The following LRRC8C variants were observed in gnomAD, a reference collection of about 807,000 sequenced individuals.
The protein encoded by LRRC8C is volume-regulated anion channel subunit LRRC8C.
LRRC8C carries 20 observed loss-of-function variants against 55.3 expected under a neutral mutation model. The ratio of observed to expected loss-of-function variants is 0.36; its 90% CI spans 0.25 to 0.53. The LOEUF (loss-of-function observed/expected upper bound fraction) is 0.53, where lower values mean the gene tolerates loss of function less well. Among genes scored for constraint, LRRC8C ranks in the 20% least tolerant of loss-of-function variants. The pLI is 0.92. For missense variants in LRRC8C, 659 were observed against 951.4 expected, an observed-to-expected ratio of 0.69 and a Z score of 4.04; for synonymous variants, 376 against 360.7, an observed-to-expected ratio of 1.04 and a Z score of -0.48.
chr1:89,663,549 G>A (rs1349815756), intron 1 of LRRC8C, among the ~76,000 whole-genome samples: 7 of 147,612 alleles, frequency 4.7e-5, no homozygotes, highest in South Asian at 4.2e-4. Flanking sequence ...CAGCCTGGGC[G>A]ACAGAGCGAG....
the LRRC8C span, among the ~76,000 whole-genome samples, chr1:89,619,219 C>G: frequency 6.6e-6 from 1 of 152,014 alleles, no homozygotes; most frequent in African/African-American, 2.4e-5. Flanking sequence ...CATTCATATC[C>G]ACAGAAGTTC....
intron 1 of LRRC8C, among the ~76,000 whole-genome samples, chr1:89,646,632 A>G (rs1656622820): frequency 6.6e-6 from 1 of 152,134 alleles, no homozygotes; most frequent in East Asian, 1.9e-4. Flanking sequence ...TTATTTTAAA[A>G]TAACCTATAG....
At chr1:89,698,232 T>G (rs753749930) in intron 2 of LRRC8C, among the ~76,000 whole-genome samples, 1 of 152,172 alleles carries the variant, frequency 6.6e-6, no homozygotes, top group Non-Finnish European at 1.5e-5. Context: ...CAGAAGAAGG[T>G]AGCTAGAGGT....
rs200185887 is a variant in LRRC8C, at chr1:89,714,062, G to A, written c.1492G>A (p.Val498Ile). The change falls in exon 3 of 3, where the codon GTC becomes ATC. Residue 498 changes from valine (V) to isoleucine (I), a missense_variant. This residue lies in a region of LRRC8C where 344 missense variants were observed against 464.6 expected (regional missense o/e 0.74). Transcript: ENST00000370454. The surrounding 1 kb of genome is among the most constrained non-coding windows in gnomAD (Gnocchi z 4.6). ...FLKENLKVLS[V>I]KFDDMRELPP... ...GAAGGAAAACCTCAAGGTCTTGAGC[G>A]TCAAGTTTGATGACATGAGGGAACT... The A allele has an allele frequency of 7.1e-5, 115 of 1,613,934 alleles. No homozygotes were observed. Among genetic ancestry groups the A allele is most frequent in the Non-Finnish European group, 8.6e-5 (102 of 1,180,030 alleles).
chr1:89,651,049 T>C (rs766672104), intron 1 of LRRC8C, among the ~76,000 whole-genome samples: 11 of 152,142 alleles, frequency 7.2e-5, no homozygotes, highest in Non-Finnish European at 1.3e-4. Flanking sequence ...CATAACACAG[T>C]GGGTAACAAT....
At chr1:89,675,454 G>A (rs61798882) in intron 1 of LRRC8C, among the ~76,000 whole-genome samples, 1,844 of 152,334 alleles carry the variant, frequency 0.012, 23 homozygotes, top group Non-Finnish European at 0.017. Flanking sequence ...TCATGCCTGG[G>A]TTTTCTGGGC....
intron 1 of LRRC8C, among the ~76,000 whole-genome samples, chr1:89,675,394 T>C (rs945495815): frequency 6.6e-6 from 1 of 152,234 alleles, no homozygotes; most frequent in Non-Finnish European, 1.5e-5. Flanking sequence ...CTTGCTGCCC[T>C]TCATCAGAAA....
At chr1:89,648,837 A>G (rs1324479499) in intron 1 of LRRC8C, among the ~76,000 whole-genome samples, 1 of 152,204 alleles carries the variant, frequency 6.6e-6, no homozygotes, top group African/African-American at 2.4e-5. Context: ...GGTATCAAAA[A>G]TACGTGTTTT....
intron 1 of LRRC8C, among the ~76,000 whole-genome samples, chr1:89,654,812 C>A (rs1656893973): frequency 6.6e-6 from 1 of 151,914 alleles, no homozygotes; most frequent in South Asian, 2.1e-4. Context: ...TTCTCATTAT[C>A]CCCAATGTTC....
At chr1:89,672,166 C>G (rs986308377) in intron 1 of LRRC8C, among the ~76,000 whole-genome samples, 2 of 152,196 alleles carry the variant, frequency 1.3e-5, no homozygotes, top group Non-Finnish European at 2.9e-5. Flanking sequence ...CTGAAATGTT[C>G]TCCTGGCCTT....
At chr1:89,622,334 A>ATTTTT in the LRRC8C span, among the ~76,000 whole-genome samples, 509 of 127,236 alleles carry the variant, frequency 4.0e-3, 14 homozygotes, top group South Asian at 0.017. Context: ...ATACATGTAA[A>ATTTTT]ATTTTTTTTT....
At chr1:89,712,417 A>AT (rs1658676033) in intron 2 of LRRC8C, among the ~76,000 whole-genome samples, 1 of 152,168 alleles carries the variant, frequency 6.6e-6, no homozygotes, top group African/African-American at 2.4e-5. Context: ...CTGGCTGCTA[A>AT]TTTTTTAAAA....
chr1:89,651,763 T>G (rs1050274136), intron 1 of LRRC8C, among the ~76,000 whole-genome samples: 1 of 152,116 alleles, frequency 6.6e-6, no homozygotes, highest in Non-Finnish European at 1.5e-5. Flanking sequence ...GTAGGCTAAT[T>G]CAGAGATTTG....
the LRRC8C span, chr1:89,626,241 A>C: frequency 6.6e-6 from 1 of 152,202 alleles, no homozygotes; most frequent in East Asian, 1.9e-4. Context: ...CTTACACTAC[A>C]TATGTATATA....
intron 1 of LRRC8C, among the ~76,000 whole-genome samples, chr1:89,669,308 T>A (rs1207472336): frequency 6.6e-6 from 1 of 152,110 alleles, no homozygotes; most frequent in African/African-American, 2.4e-5. Context: ...TTAATACTAA[T>A]CAATGGGCAT....
chr1:89,698,990 TA>T (rs540388071), intron 2 of LRRC8C, among the ~76,000 whole-genome samples: 3 of 150,552 alleles, frequency 2.0e-5, no homozygotes, highest in African/African-American at 7.3e-5. Flanking sequence ...AAAAAGAAAT[TA>T]AAAAAGAGAG....
chr1:89,648,664 G>A (rs946423747), intron 1 of LRRC8C, among the ~76,000 whole-genome samples: 1 of 152,068 alleles, frequency 6.6e-6, no homozygotes, highest in Non-Finnish European at 1.5e-5. Flanking sequence ...TTATAGAATT[G>A]TGTAACTATC....
At chr1:89,702,947 G>T (rs1242781664) in intron 2 of LRRC8C, among the ~76,000 whole-genome samples, 1 of 152,200 alleles carries the variant, frequency 6.6e-6, no homozygotes, top group Admixed American at 6.5e-5. Context: ...CCAGCACAGA[G>T]AAAGACAGGA....
At chr1:89,621,418 G>T in the LRRC8C span, among the ~76,000 whole-genome samples, 1 of 151,986 alleles carries the variant, frequency 6.6e-6, no homozygotes, top group South Asian at 2.1e-4. Flanking sequence ...GCAGCGAGCC[G>T]AGATCGCCAC....
Sources: gnomAD v4.1 joint callset for allele counts (sites outside exome capture counted in the v4.1 genomes callset) on GRCh38, gnomAD v4.1.1 for gene constraint, gnomAD v4.1.1 regional missense constraint, Gnocchi (gnomAD v3.1) non-coding constraint, MANE v1.5 for transcripts, NCBI Gene and HGNC (gene_info 2026-07-23, HGNC 2026-07-21) for gene names.